Variants in NPFFR1 observed in about 807,000 individuals in gnomAD.
The protein encoded by NPFFR1 is G-protein coupled receptor 147.
NPFFR1 carries 17 observed loss-of-function variants against 12.7 expected under a neutral mutation model. The ratio of observed to expected loss-of-function variants is 1.34; its 90% CI spans 0.92 to 2.01. The LOEUF is 2.01. NPFFR1 is among the 30% of genes most tolerant of loss of function. NPFFR1 has a pLI of 0.00. For synonymous variants in NPFFR1, 296 were observed against 264.5 expected (o/e 1.12, Z -1.16); for missense variants, 604 against 606.5 (o/e 1.00, Z 0.04).
intron 1 of NPFFR1, among the ~76,000 whole-genome samples, chr10:70,279,600 CAA>C (rs1387363518): frequency 1.6e-4 from 24 of 152,034 alleles, no homozygotes; most frequent in African/African-American, 5.8e-4. Flanking sequence ...GCTGGGATTA[CAA>C]GTGTGTGCCA....
intron 1 of NPFFR1, among the ~76,000 whole-genome samples, chr10:70,279,119 T>C (rs1158417643): frequency 6.6e-6 from 1 of 152,164 alleles, no homozygotes; most frequent in East Asian, 1.9e-4. Context: ...ATCTGAAATT[T>C]AGTTTTTGTT....
At chr10:70,283,083 G>A (rs1327615554) in intron 1 of NPFFR1, among the ~76,000 whole-genome samples, 1 of 152,042 alleles carries the variant, frequency 6.6e-6, no homozygotes, top group Admixed American at 6.5e-5. Flanking sequence ...TCTCTGCTCA[G>A]ACAGCAGGGA....
chr10:70,260,595 AG>A, intron 3 of NPFFR1, 44 bp downstream of exon 3: 1 of 1,504,908 alleles, frequency 6.6e-7, no homozygotes, highest in Non-Finnish European at 9.1e-7. Flanking sequence ...TCTTAATGCC[AG>A]GCCCTAGTTG....
In NPFFR1 at chr10:70,270,884, T is replaced by C. The variant is rs148052465; in HGVS notation, c.8-4493A>G. Among the ~76,000 whole-genome samples the C allele has an allele frequency of 3.9e-5, 6 of 152,218 alleles. No individual in the cohort carries two copies. The East Asian group carries it at 5.8e-4, about 15-fold the overall frequency. ...CCATCTCAGGGTGTAATAATGGTTGTCTCCAGGGTACCCAAGAGAGATCAG... is the reference window on the plus strand; with the variant it reads ...CCATCTCAGGGTGTAATAATGGTTGCCTCCAGGGTACCCAAGAGAGATCAG... On this transcript the variant is annotated intron_variant, in intron 1 of 3. Transcript: ENST00000277942.
rs1840463474 is a variant in NPFFR1 at position 70,247,646 on chromosome 10, C to T, written c.*7311G>A. The T allele has an allele frequency of 6.6e-6, 1 of 152,190 alleles. No individual in the cohort carries two copies. 9.4% of individuals were successfully genotyped at this position (152,190 alleles called of 1,614,324 possible). ...CCTCAAACAGAGAGTGATTTAACACCACCACTGGCTATGTGACAGATAAAC... is the reference window on the plus strand; with the variant it reads ...CCTCAAACAGAGAGTGATTTAACACTACCACTGGCTATGTGACAGATAAAC... On this transcript the variant is annotated 3_prime_UTR_variant, in exon 4 of 4. Coordinates refer to ENST00000277942, the MANE Select transcript of NPFFR1 (RefSeq NM_022146.5).
intron 2 of NPFFR1, among the ~76,000 whole-genome samples, chr10:70,264,164 A>C (rs1840663658): frequency 1.3e-5 from 2 of 152,130 alleles, no homozygotes; most frequent in South Asian, 4.2e-4. Flanking sequence ...ACTTGAGATC[A>C]AGAGTTCAAA....
chr10:70,266,835 C>T (rs1840696932), intron 1 of NPFFR1, among the ~76,000 whole-genome samples: 1 of 152,204 alleles, frequency 6.6e-6, no homozygotes, highest in South Asian at 2.1e-4. Flanking sequence ...GATTCCCTTC[C>T]TGCCTGGCCC....
chr10:70,263,565 G>T (rs376475058), intron 2 of NPFFR1, among the ~76,000 whole-genome samples: 4 of 152,038 alleles, frequency 2.6e-5, no homozygotes, highest in Non-Finnish European at 4.4e-5. Flanking sequence ...GAGCCACCGC[G>T]CCCGGCCATT....
At chr10:70,262,076 A>C (rs1840640983) in intron 2 of NPFFR1, among the ~76,000 whole-genome samples, 1 of 152,292 alleles carries the variant, frequency 6.6e-6, no homozygotes, top group South Asian at 2.1e-4. Context: ...TTAGCTATCC[A>C]TACAGAGAGA....
chr10:70,272,121 A>AAGAG (rs1244676085), intron 1 of NPFFR1, among the ~76,000 whole-genome samples: 1 of 19,200 alleles, frequency 5.2e-5, no homozygotes, highest in African/African-American at 1.8e-4. Context: ...TGCCTCAAAA[A>AAGAG]AGAGAAAGAA....
intron 1 of NPFFR1, among the ~76,000 whole-genome samples, chr10:70,266,764 C>G (rs1451561372): frequency 6.6e-6 from 1 of 152,248 alleles, no homozygotes; most frequent in Admixed American, 6.5e-5. Context: ...TCAGCCAATG[C>G]CAGGCCCTGA....
Position 70,255,136 on chromosome 10 carries a change from C to T in NPFFR1, c.1114G>A (p.Val372Ile). ...TCGCTGGGCCGCACCACCACGAAGA[C>T]CCGCCTGTGCAGAAGCCCGCCGGGC... ...ERPGGLLHRR[V>I]FVVVRPSDSG... Residue 372 changes from valine (V) to isoleucine (I), a missense_variant, in exon 4 of 4, where the codon GTC becomes ATC. By Grantham distance (29) the Val-to-Ile change is conservative. Transcript: ENST00000277942. This position sits in a 1 kb window ranked among gnomAD's most constrained non-coding sequence, Gnocchi z 4.2. 1.3e-6 allele frequency: 2 copies of T among 1,525,308 alleles called. No individual in the cohort carries two copies. Among genetic ancestry groups the T allele is most frequent in the South Asian group, 1.2e-5 (1 of 81,052 alleles). 94.5% of individuals were successfully genotyped at this position (1,525,308 alleles called of 1,614,324 possible). A position where few individuals can be genotyped will look rare whatever the true frequency, so the allele number is the denominator to read the frequency against.
chr10:70,263,862 A>T (rs1036000052), intron 2 of NPFFR1, among the ~76,000 whole-genome samples: 1 of 152,222 alleles, frequency 6.6e-6, no homozygotes, highest in Non-Finnish European at 1.5e-5. Context: ...CTGTAATCCC[A>T]GCACTTTGGG....
Position 70,272,237 on chromosome 10 carries a change from AAAGAAAG to A in NPFFR1, c.8-5853_8-5847del, listed in dbSNP as rs796353713. ...GAAAGAAAGAAAGAAAGAAAGAAAG[AAAGAAAG>A]AAGAAAGAAGAAAGAAAATAATAGA... On this transcript the variant is annotated intron_variant, in intron 1 of 3. Transcript: ENST00000277942. Among the ~76,000 whole-genome samples, 439 of 140,918 alleles carry A rather than the reference AAAGAAAG, an allele frequency of 3.1e-3. 84 individuals carry two copies. Among genetic ancestry groups the A allele is most frequent in the East Asian group, 0.012 (59 of 4,812 alleles). 92.4% of individuals were successfully genotyped at this position (140,918 alleles called of 152,430 possible).
At chr10:70,275,817 C>G (rs898095213) in intron 1 of NPFFR1, among the ~76,000 whole-genome samples, 1 of 152,114 alleles carries the variant, frequency 6.6e-6, no homozygotes, top group Admixed American at 6.5e-5. Context: ...TTGTTTTGTA[C>G]AACATCAAGC....
chr10:70,264,378 A>G (rs929246494), intron 2 of NPFFR1, among the ~76,000 whole-genome samples: 8 of 151,332 alleles, frequency 5.3e-5, no homozygotes, highest in African/African-American at 1.5e-4. Context: ...AAAAAAAAAA[A>G]AAAAAAAAAA....
chr10:70,279,700 A>G (rs1383004598), intron 1 of NPFFR1, among the ~76,000 whole-genome samples: 2 of 151,952 alleles, frequency 1.3e-5, no homozygotes, highest in African/African-American at 4.8e-5. Flanking sequence ...ACCTCAAATG[A>G]TCTTCCCGCT....
chr10:70,264,218 A>G (rs1480995392), intron 2 of NPFFR1, among the ~76,000 whole-genome samples: 11 of 151,984 alleles, frequency 7.2e-5, no homozygotes, highest in Admixed American at 5.9e-4. Flanking sequence ...TACTAAAAAT[A>G]CAAAAATTAG....
intron 1 of NPFFR1, among the ~76,000 whole-genome samples, chr10:70,267,888 G>A (rs943780702): frequency 2.6e-5 from 4 of 152,200 alleles, no homozygotes; most frequent in African/African-American, 9.6e-5. Context: ...ATGGGGCAGA[G>A]GGACTGCGGC....
Sources: allele counts gnomAD v4.1 joint callset (sites outside exome capture counted in the v4.1 genomes callset), GRCh38; gene constraint gnomAD v4.1.1; non-coding constraint Gnocchi (gnomAD v3.1); transcripts MANE v1.5; gene names NCBI Gene and HGNC (gene_info 2026-07-23, HGNC 2026-07-21).